The following RINT1 variants were observed in gnomAD, a reference collection of about 807,000 sequenced individuals.
RINT1 encodes the protein RAD50-interacting protein 1.
In RINT1, 75 loss-of-function variants were observed where a neutral mutation model predicts 97.7. That is an observed-to-expected ratio of 0.77 (90% CI 0.64 to 0.93). The LOEUF is 0.93. Ranked by LOEUF, RINT1 falls within the 40% of genes least tolerant of loss-of-function variation. RINT1 has a pLI of 0.00. For synonymous variants in RINT1, 303 were observed against 326.3 expected (o/e 0.93, Z 0.77); for missense variants, 892 against 925.2 (o/e 0.96, Z 0.47).
chr7:105,553,286 C>T (rs764710986), intron 10 of RINT1, among the ~76,000 whole-genome samples: 1 of 151,804 alleles, frequency 6.6e-6, no homozygotes, highest in Non-Finnish European at 1.5e-5. Context: ...AGTGCAATGG[C>T]GCAATCTCGG....
rs1157384926 is a variant in RINT1, at chr7:105,542,617, C to T, written c.483C>T (p.Tyr161=). ...QIEEIERHLA[Y]LKWISQIEEL... Reference sequence around the variant, plus strand: ...AAGAGATCGAACGTCATCTTGCTTACCTTAAATGGATTTCACAAATTGAAG... The same window carrying T: ...AAGAGATCGAACGTCATCTTGCTTATCTTAAATGGATTTCACAAATTGAAG... The change falls in exon 4 of 15, where the codon TAC becomes TAT. Residue 161 remains tyrosine (Y), a synonymous_variant. Transcript: ENST00000257700. 6.2e-7 allele frequency: 1 copy of T among 1,612,518 alleles called. No individual in the cohort carries two copies. The highest frequency in any genetic ancestry group is 8.5e-7 in the Non-Finnish European group (1 of 1,179,554).
intron 3 of RINT1, among the ~76,000 whole-genome samples, chr7:105,541,131 C>A (rs118146166): frequency 0.012 from 1,806 of 150,866 alleles, 21 homozygotes; most frequent in South Asian, 0.027. Flanking sequence ...AGTCACCGCA[C>A]CCAGCTTGCA....
chr7:105,566,854 GTTAATA>G (rs1357963894), intron 14 of RINT1: 51 of 227,184 alleles, frequency 2.2e-4, no homozygotes, highest in African/African-American at 1.1e-3. Context: ...TTAATATAGT[GTTAATA>G]TTAAGTATTG....
At position 105,550,460 on chromosome 7, in the gene RINT1, A is replaced by G. The variant is rs1790881329; in HGVS notation, c.1307A>G (p.Gln436Arg). ...MHILSEETCF[Q>R]RWLTVERKFA... is the part of the protein sequence containing the mutation. The stretch of plus-strand genomic sequence containing the variant: ...ATTCTATCAGAGGAAACCTGTTTTC[A>G]GAGATGGTTGACGGTGGAGAGAAAA... Residue 436 changes from glutamine to arginine, a missense_variant, in exon 9 of 15, where the codon CAG becomes CGG. Gln to Arg is a conservative substitution (Grantham distance 43). Coordinates refer to ENST00000257700, the MANE Select transcript of RINT1 (RefSeq NM_021930.6). The G allele has an allele frequency of 1.9e-6, 3 of 1,614,084 alleles. No homozygotes were observed. The highest frequency in any genetic ancestry group is 2.5e-6 in the Non-Finnish European group (3 of 1,179,954).
Position 105,564,035 on chromosome 7 carries a change from A to G in RINT1, c.1886+88A>G, listed in dbSNP as rs1239743035. ...CAGATTTTCAAGGTGTCTAGATAGA[A>G]CCCGGTTTGGCCTTATGTACTTTAT... On this transcript the variant is annotated intron_variant, in intron 12 of 14. Coordinates refer to ENST00000257700, the MANE Select transcript of RINT1 (RefSeq NM_021930.6). The G allele has an allele frequency of 3.3e-6, 3 of 920,642 alleles. No homozygotes were observed. The African/African-American group carries it at 5.0e-5, about 15-fold the overall frequency. 57.0% of individuals were successfully genotyped at this position (920,642 alleles called of 1,614,324 possible).
intron 2 of RINT1, among the ~76,000 whole-genome samples, chr7:105,534,062 A>G (rs1270284261): frequency 1.3e-5 from 2 of 151,438 alleles, no homozygotes; most frequent in African/African-American, 2.4e-5. Context: ...ATGGTTACAC[A>G]TCAAGGGTGT....
chr7:105,534,747 A>G (rs926698679), intron 2 of RINT1, among the ~76,000 whole-genome samples: 1 of 152,054 alleles, frequency 6.6e-6, no homozygotes, highest in Admixed American at 6.6e-5. Flanking sequence ...GGCACAATGT[A>G]TAGCTTGGGT....
In RINT1 at chr7:105,547,049, T is replaced by C; in HGVS notation, c.655T>C (p.Phe219Leu). Residue 219 changes from phenylalanine to leucine, a missense_variant, in exon 5 of 15, where the codon TTC becomes CTC. By Grantham distance (22) the Phe-to-Leu change is conservative. Transcript: ENST00000257700. The stretch of plus-strand genomic sequence containing the variant: ...TGGTTTCATGAGAGCCACAGTTAAA[T>C]TCTGGCATAAAATTCTCAAGGACAA... Reference protein sequence around the residue: ...LLGFMRATVKFWHKILKDKLT... With the variant: ...LLGFMRATVKLWHKILKDKLT... 6.2e-7 allele frequency: 1 copy of C among 1,613,870 alleles called. No homozygotes were observed. Among genetic ancestry groups the C allele is most frequent in the Non-Finnish European group, 8.5e-7 (1 of 1,179,964 alleles).
chr7:105,550,285 A>G lies in RINT1; in HGVS notation c.1132A>G (p.Met378Val). 6.2e-7 allele frequency: 1 copy of G among 1,614,048 alleles called. No homozygotes were observed. The highest frequency in any genetic ancestry group is 1.1e-5 in the South Asian group (1 of 91,078). Residue 378 changes from methionine (M) to valine (V), a missense_variant, in exon 9 of 15, where the codon ATG (methionine) becomes GTG (valine). Met to Val is a conservative substitution (Grantham distance 21). Coordinates refer to ENST00000257700, the MANE Select transcript of RINT1 (RefSeq NM_021930.6). The part of the protein sequence containing the change: ...ARLEFSRGLM[M>V]LVLEKLATDI... ...GCTTGAATTTTCTCGGGGCCTTATG[A>G]TGCTGGTTCTTGAGAAGTTAGCCAC...
chr7:105,555,015 A>ACTT lies in RINT1; in HGVS notation c.1472-12_1472-10dup. 6.2e-7 allele frequency: 1 copy of ACTT among 1,609,902 alleles called. No homozygotes were observed. The highest frequency in any genetic ancestry group is 8.5e-7 in the Non-Finnish European group (1 of 1,177,714). ...ACCAAAACCTTCATATGTCTTAATA[A>ACTT]CTTTTTCCACAGACAGGTATAAAAA... On this transcript the variant is annotated splice_polypyrimidine_tract_variant and intron_variant, in intron 10 of 14. Coordinates refer to ENST00000257700, the MANE Select transcript of RINT1 (RefSeq NM_021930.6).
intron 4 of RINT1, 144 bp from the exon 5 acceptor site, chr7:105,546,766 C>T (rs1328232127): frequency 6.7e-6 from 4 of 601,300 alleles, no homozygotes; most frequent in Non-Finnish European, 1.1e-5. Context: ...ATCCCAGCTA[C>T]TGTGGAGGCT....
At chr7:105,555,410 G>T (rs1412846012) in intron 11 of RINT1, 183 bp downstream of exon 11, 40 of 476,324 alleles carry the variant, frequency 8.4e-5, no homozygotes, top group Non-Finnish European at 1.5e-5. Context: ...TAGTTAAATA[G>T]TCCTGATATT....
In RINT1 at chr7:105,550,082, A is replaced by G; in HGVS notation, c.1024A>G (p.Met342Val). ...AGAATGGTACTTGGCTCAAGTACTT[A>G]TGTGGATTGGAAACCATACTGAATT... ...KPEWYLAQVL[M>V]WIGNHTEFLD... is the part of the protein sequence containing the mutation. Residue 342 changes from methionine (M) to valine (V), a missense_variant, in exon 8 of 15, where the codon ATG becomes GTG. By Grantham distance (21) the Met-to-Val change is conservative. Transcript: ENST00000257700. The G allele has an allele frequency of 6.2e-7, 1 of 1,613,150 alleles. No individual in the cohort carries two copies. Among genetic ancestry groups the G allele is most frequent in the Non-Finnish European group, 8.5e-7 (1 of 1,179,320 alleles).
Position 105,536,618 on chromosome 7 carries a change from G to C in RINT1, c.142G>C (p.Asp48His). 1 of 1,611,820 alleles carries C rather than the reference G, an allele frequency of 6.2e-7. No individual in the cohort carries two copies. ...AAGTAAACAAGTCAGTGAAGGTACAGATAATGGTGATCTCCCTTCTTATGT... is the reference window on the plus strand; with the variant it reads ...AAGTAAACAAGTCAGTGAAGGTACACATAATGGTGATCTCCCTTCTTATGT... Reference protein sequence around the residue: ...IGSKQVSEGTDNGDLPSYVSA... With the variant: ...IGSKQVSEGTHNGDLPSYVSA... Residue 48 changes from aspartate to histidine, a missense_variant, in exon 3 of 15, where the codon GAT becomes CAT. Physicochemically the swap from Asp to His is moderately conservative, Grantham distance 81 (BLOSUM62 -1). Coordinates refer to ENST00000257700, the MANE Select transcript of RINT1 (RefSeq NM_021930.6).
rs973997596 is a variant in RINT1 at position 105,555,190 on chromosome 7, A to G, written c.1634A>G (p.Tyr545Cys). 3 of 1,614,066 alleles carry G rather than the reference A, an allele frequency of 1.9e-6. No homozygotes were observed. Among genetic ancestry groups the G allele is most frequent in the Non-Finnish European group, 2.5e-6 (3 of 1,179,998 alleles). The change falls in exon 11 of 15, where the codon TAC becomes TGC. Residue 545 changes from tyrosine (Y) to cysteine (C), a missense_variant. Tyr to Cys is a radical substitution (Grantham distance 194). Coordinates refer to ENST00000257700, the MANE Select transcript of RINT1 (RefSeq NM_021930.6). ...TGTGCAATTCTTAATGCTGTGAACT[A>G]CATCTCAACAGTACTAGCAGATTGG... ...RYCAILNAVN[Y>C]ISTVLADWAD...
chr7:105,542,596 G>T lies in RINT1; in HGVS notation c.462G>T (p.Glu154Asp). ...DLGTMISQIE[E>D]IERHLAYLKW... ...GAACCATGATTAGCCAGATTGAAGA[G>T]ATCGAACGTCATCTTGCTTACCTTA... The change falls in exon 4 of 15, where the codon GAG (glutamate) becomes GAT (aspartate). Residue 154 changes from glutamate to aspartate, a missense_variant. Glu to Asp is a conservative substitution (Grantham distance 45). Transcript: ENST00000257700. The T allele has an allele frequency of 6.2e-7, 1 of 1,614,068 alleles. No individual in the cohort carries two copies.
intron 2 of RINT1, among the ~76,000 whole-genome samples, chr7:105,533,470 A>C (rs1443361164): frequency 6.6e-6 from 1 of 152,182 alleles, no homozygotes; most frequent in East Asian, 1.9e-4. Flanking sequence ...TTGCAAATCA[A>C]GGGCTCTTTA....
chr7:105,566,341 T>C (rs1309432201), intron 14 of RINT1: 1 of 152,134 alleles, frequency 6.6e-6, no homozygotes, highest in Non-Finnish European at 1.5e-5. Context: ...CTAAATATAA[T>C]TATAGTTTCA....
chr7:105,547,392 G>C, intron 6 of RINT1, 59 bp downstream of exon 6: 2 of 1,560,948 alleles, frequency 1.3e-6, no homozygotes, highest in Admixed American at 1.8e-5. Context: ...TGGGTTTGTG[G>C]CTAGAGAGTA....
Sources: gnomAD v4.1 joint callset for allele counts (sites outside exome capture counted in the v4.1 genomes callset) on GRCh38, gnomAD v4.1.1 for gene constraint, MANE v1.5 for transcripts, NCBI Gene and HGNC (gene_info 2026-07-23, HGNC 2026-07-21) for gene names.